C6orf62: variants seen among roughly 807,000 people sequenced by gnomAD.
C6orf62 encodes the protein chromosome 6 open reading frame 62.
Under a neutral mutation model 26.8 loss-of-function variants are expected in C6orf62, and 16 were observed. The observed-to-expected ratio is 0.60, with a 90% confidence interval of 0.40 to 0.91. The LOEUF (loss-of-function observed/expected upper bound fraction) is 0.91. Among genes scored for constraint, C6orf62 ranks in the 40% least tolerant of loss-of-function variants. The pLI is 0.00. For synonymous variants in C6orf62, 112 were observed against 91.5 expected, an observed-to-expected ratio of 1.22 and a Z score of -1.28; for missense variants, 192 against 271.4, an observed-to-expected ratio of 0.71 and a Z score of 2.06.
intron 3 of C6orf62, 91 bp downstream of exon 3, chr6:24,714,227 C>A: frequency 5.0e-6 from 5 of 1,001,360 alleles, no homozygotes; most frequent in South Asian, 4.5e-5. Flanking sequence ...TATCAGAAAC[C>A]ATTTTCCCAA....
rs1328148117 is a variant in C6orf62, at chr6:24,716,129, G to A, written c.306+19C>T. On this transcript the variant is annotated intron_variant, in intron 2 of 4. Transcript: ENST00000378119. ...ATCCACAGAAACTTTATCAAGTCAAGACTTAAGGCAGAACTTACCCTTCTC... is the reference window on the plus strand; with the variant it reads ...ATCCACAGAAACTTTATCAAGTCAAAACTTAAGGCAGAACTTACCCTTCTC... 3 of 1,606,360 alleles carry A rather than the reference G, an allele frequency of 1.9e-6. No homozygotes were observed. The highest frequency in any genetic ancestry group is 2.6e-6 in the Non-Finnish European group (3 of 1,174,064).
chr6:24,707,782 T>C (rs1366820166), intron 4 of C6orf62, among the ~76,000 whole-genome samples: 3 of 151,744 alleles, frequency 2.0e-5, no homozygotes, highest in Admixed American at 6.6e-5. Flanking sequence ...GGCAGGCAGA[T>C]CATGAGGTCA....
chr6:24,719,978 A>G (rs1335618236), upstream of C6orf62: 2 of 1,545,820 alleles, frequency 1.3e-6, no homozygotes, highest in Non-Finnish European at 8.7e-7. Context: ...GGGGAAAAAA[A>G]GAAAATAATT....
chr6:24,707,936 G>A (rs1228551342), intron 4 of C6orf62, among the ~76,000 whole-genome samples: 2 of 151,888 alleles, frequency 1.3e-5, no homozygotes, highest in African/African-American at 2.4e-5. Context: ...GCGTGAACCC[G>A]GAAGGTGGAG....
In C6orf62 at chr6:24,716,240, G is replaced by A. The variant is rs1447021856; in HGVS notation, c.214C>T (p.Arg72Ter). Reference sequence around the variant, plus strand: ...CTTTCCAAGGAATAGCTGGAATCTCGCACACCTTTCAGGATATTTTCTTCA... The same window carrying A: ...CTTTCCAAGGAATAGCTGGAATCTCACACACCTTTCAGGATATTTTCTTCA... ...NYEENILKGVRDSSYSLESSL... is the reference protein window; with the variant it reads ...NYEENILKGV Residue 72 changes from arginine to a stop codon, truncating the protein, a stop_gained, in exon 2 of 5, where the codon CGA becomes TGA. Coordinates refer to ENST00000378119, the MANE Select transcript of C6orf62 (RefSeq NM_030939.5). LOFTEE classifies it high-confidence loss of function. The A allele has an allele frequency of 6.2e-7, 1 of 1,613,060 alleles. No homozygotes were observed. The highest frequency in any genetic ancestry group is 8.5e-7 in the Non-Finnish European group (1 of 1,179,148).
rs1409224468 is a variant in C6orf62 at position 24,716,235 on chromosome 6, A to C, written c.219T>G (p.Asp73Glu). 1 of 1,613,650 alleles carries C rather than the reference A, an allele frequency of 6.2e-7. No homozygotes were observed. Among genetic ancestry groups the C allele is most frequent in the Admixed American group, 1.7e-5 (1 of 60,022 alleles). ...GGGAACTTTCCAAGGAATAGCTGGAATCTCGCACACCTTTCAGGATATTTT... is the reference window on the plus strand; with the variant it reads ...GGGAACTTTCCAAGGAATAGCTGGACTCTCGCACACCTTTCAGGATATTTT... Reference protein sequence around the residue: ...YEENILKGVRDSSYSLESSLE... With the variant: ...YEENILKGVRESSYSLESSLE... Residue 73 changes from aspartate (D) to glutamate (E), a missense_variant, in exon 2 of 5, where the codon GAT becomes GAG. Transcript: ENST00000378119.
rs1267498724 is a variant in C6orf62, at chr6:24,714,072, CCACTT to C, written c.429+241_429+245del. On this transcript the variant is annotated intron_variant, in intron 3 of 4. Coordinates refer to ENST00000378119, the MANE Select transcript of C6orf62 (RefSeq NM_030939.5). The stretch of plus-strand genomic sequence containing the variant: ...GGCCCCTCTATAAATCAGTAAATGT[CCACTT>C]TAAAAGATTTTCTCTAGTCATAATT... Among the ~76,000 whole-genome samples the C allele has an allele frequency of 2.0e-5, 3 of 152,132 alleles. No individual in the cohort carries two copies. The East Asian group carries it at 5.8e-4, about 29-fold the overall frequency.
upstream of C6orf62, chr6:24,719,949 T>C (rs186336547): frequency 9.7e-6 from 15 of 1,549,350 alleles, no homozygotes; most frequent in Admixed American, 2.8e-4. Flanking sequence ...CGGGAGAGGG[T>C]AAATGGGAAG....
At chr6:24,714,589 A>C (rs1261539888) in intron 2 of C6orf62, 149 bp from the exon 3 acceptor site, 1 of 544,858 alleles carries the variant, frequency 1.8e-6, no homozygotes, top group East Asian at 3.2e-5. Context: ...AGTAAACATA[A>C]TAGTTTATAA....
chr6:24,717,656 A>G (rs1461938980), intron 1 of C6orf62, among the ~76,000 whole-genome samples: 1 of 152,200 alleles, frequency 6.6e-6, no homozygotes, highest in African/African-American at 2.4e-5. Context: ...GTTAAACAGT[A>G]GGGGGAAACC....
At chr6:24,712,245 C>CA (rs1779133830) in intron 3 of C6orf62, among the ~76,000 whole-genome samples, 1 of 151,964 alleles carries the variant, frequency 6.6e-6, no homozygotes, top group African/African-American at 2.4e-5. Context: ...AGCTGGGTGT[C>CA]ATAGCATGCG....
intron 3 of C6orf62, chr6:24,709,702 A>G (rs1266855226): frequency 3.0e-6 from 3 of 985,352 alleles, no homozygotes; most frequent in Non-Finnish European, 1.2e-6. Flanking sequence ...TTAAGTCAGA[A>G]CACTCCCTTC....
intron 1 of C6orf62, among the ~76,000 whole-genome samples, chr6:24,717,809 A>G (rs1779263446): frequency 6.6e-6 from 1 of 152,232 alleles, no homozygotes; most frequent in Non-Finnish European, 1.5e-5. Flanking sequence ...CCTTGCTGAT[A>G]ATTTAAGAAA....
rs914785084 is a variant in C6orf62 at position 24,705,234 on chromosome 6, G to C, written c.*903C>G. ...AACACCCTTGTAAAGTTTTTCTTTA[G>C]GATGGTGTAAAAACCAGCATTTCTG... On this transcript the variant is annotated 3_prime_UTR_variant, in exon 5 of 5. Coordinates refer to ENST00000378119, the MANE Select transcript of C6orf62 (RefSeq NM_030939.5). 4 of 152,464 alleles carry C rather than the reference G, an allele frequency of 2.6e-5. No individual in the cohort carries two copies. Among genetic ancestry groups the C allele is most frequent in the African/African-American group, 9.6e-5 (4 of 41,476 alleles). The allele number at this position is 152,464 out of a possible 1,614,324, so 9.4% of individuals were successfully genotyped here.
intron 3 of C6orf62, among the ~76,000 whole-genome samples, chr6:24,713,145 C>G (rs999475637): frequency 6.6e-6 from 1 of 152,154 alleles, no homozygotes; most frequent in Non-Finnish European, 1.5e-5. Context: ...GAACTTACAA[C>G]AATTCCAATT....
chr6:24,707,935 C>T (rs1176976813), intron 4 of C6orf62, among the ~76,000 whole-genome samples: 3 of 150,770 alleles, frequency 2.0e-5, no homozygotes, highest in Non-Finnish European at 3.0e-5. Context: ...GGCGTGAACC[C>T]GGAAGGTGGA....
chr6:24,716,205 C>T lies in C6orf62; in HGVS notation c.249G>A (p.Glu83=), dbSNP rs1779226259. Reference sequence around the variant, plus strand: ...GCTGTACCACATCCTTCTGTAAAAGCTCTAGGGAACTTTCCAAGGAATAGC... The same window carrying T: ...GCTGTACCACATCCTTCTGTAAAAGTTCTAGGGAACTTTCCAAGGAATAGC... ...DSSYSLESSL[E]LLQKDVVQLH... The change falls in exon 2 of 5, where the codon GAG becomes GAA. Residue 83 remains glutamate (E), a synonymous_variant. Transcript: ENST00000378119. 2.5e-6 allele frequency: 4 copies of T among 1,613,752 alleles called. No homozygotes were observed. The highest frequency in any genetic ancestry group is 2.7e-5 in the African/African-American group (2 of 74,878).
chr6:24,720,078 A>G (rs921139136), upstream of C6orf62: 9 of 1,397,866 alleles, frequency 6.4e-6, no homozygotes, highest in East Asian at 8.4e-5. Context: ...TGAACAGACC[A>G]TGTTTCCAGA....
intron 3 of C6orf62, chr6:24,709,793 A>C (rs1779084400): frequency 2.0e-6 from 2 of 985,366 alleles, no homozygotes; most frequent in South Asian, 9.4e-5. Flanking sequence ...ATGCTACATG[A>C]CATGACCAGG....
Sources: allele counts gnomAD v4.1 joint callset (sites outside exome capture counted in the v4.1 genomes callset), GRCh38; gene constraint gnomAD v4.1.1; transcripts MANE v1.5; gene names NCBI Gene and HGNC (gene_info 2026-07-23, HGNC 2026-07-21).